SCIN: variants seen among roughly 807,000 people sequenced by gnomAD.
SCIN encodes scinderin, also known as adseverin.
Under a neutral mutation model 91.8 loss-of-function variants are expected in SCIN, and 91 were observed. The ratio of observed to expected loss-of-function variants is 0.99; its 90% CI spans 0.84 to 1.18. The LOEUF is 1.18. Ranked by LOEUF, SCIN falls within the 50% of genes most tolerant of loss-of-function variation. The pLI is 0.00. For missense variants in SCIN, 1,087 were observed against 863.9 expected (o/e 1.26, Z -3.24); for synonymous variants, 367 against 312.6 (o/e 1.17, Z -1.84).
chr7:12,584,404 C>A lies in SCIN; in HGVS notation c.516+3183C>A, dbSNP rs148520806. Among the ~76,000 whole-genome samples, 357 of 152,280 alleles carry A rather than the reference C, an allele frequency of 2.3e-3. 5 individuals are homozygous for A. The highest frequency in any genetic ancestry group is 8.2e-3 in the African/African-American group (341 of 41,556). ...CTAAGGTTATGGATATAACCTAAAT[C>A]CCATACCTTGATCATATATCAGAGA... On this transcript the variant is annotated intron_variant, in intron 3 of 15. Coordinates refer to ENST00000297029, the MANE Select transcript of SCIN (RefSeq NM_001112706.3).
intron 9 of SCIN, among the ~76,000 whole-genome samples, chr7:12,633,741 A>G (rs1406469601): frequency 1.3e-5 from 2 of 152,238 alleles, no homozygotes; most frequent in Non-Finnish European, 1.5e-5. Flanking sequence ...TCAGGAAACC[A>G]CAGATGTGAC....
Position 12,653,340 on chromosome 7 carries a change from A to G in SCIN, c.*625A>G, listed in dbSNP as rs918916752. 1.3e-5 allele frequency: 2 copies of G among 152,220 alleles called. No homozygotes were observed. The highest frequency in any genetic ancestry group is 2.4e-5 in the African/African-American group (1 of 41,454). 9.4% of individuals were successfully genotyped at this position (152,220 alleles called of 1,614,324 possible). A position where few individuals can be genotyped will look rare whatever the true frequency, so the allele number is the denominator to read the frequency against. ...AAAGATTTGTCAGATAGGAAATTTT[A>G]TAATGCATTAGCCATTAGTCAGAGT... On this transcript the variant is annotated 3_prime_UTR_variant, in exon 16 of 16. Coordinates refer to ENST00000297029, the MANE Select transcript of SCIN (RefSeq NM_001112706.3). This position sits in a 1 kb window ranked among gnomAD's most constrained non-coding sequence, Gnocchi z 4.1.
At chr7:12,611,549 G>A (rs910515969) in intron 4 of SCIN, among the ~76,000 whole-genome samples, 4 of 152,080 alleles carry the variant, frequency 2.6e-5, no homozygotes, top group African/African-American at 7.2e-5. Flanking sequence ...ACTACAGAGA[G>A]AGGAAAGAGC....
At chr7:12,647,244 A>T (rs1264301008) in intron 13 of SCIN, among the ~76,000 whole-genome samples, 1 of 152,202 alleles carries the variant, frequency 6.6e-6, no homozygotes, top group African/African-American at 2.4e-5. Flanking sequence ...AGAAATATAC[A>T]TTTCCTCTGC....
At chr7:12,597,657 A>G (rs1368209824) in intron 3 of SCIN, among the ~76,000 whole-genome samples, 1 of 152,224 alleles carries the variant, frequency 6.6e-6, no homozygotes, top group East Asian at 1.9e-4. Flanking sequence ...TTTCAAGACC[A>G]ATAATAGGAC....
chr7:12,619,148 C>G (rs967107603), intron 4 of SCIN, among the ~76,000 whole-genome samples: 8 of 152,078 alleles, frequency 5.3e-5, no homozygotes, highest in African/African-American at 1.4e-4. Context: ...TTGGCACCAG[C>G]TTGGCACATT....
chr7:12,638,146 G>A (rs891532396), intron 10 of SCIN, among the ~76,000 whole-genome samples: 1 of 152,170 alleles, frequency 6.6e-6, no homozygotes, highest in Middle Eastern at 3.2e-3. Flanking sequence ...TTCCCTTACT[G>A]TATAACTGAC....
At chr7:12,574,872 A>T (rs765340182) in intron 1 of SCIN, among the ~76,000 whole-genome samples, 5 of 152,166 alleles carry the variant, frequency 3.3e-5, no homozygotes, top group Non-Finnish European at 7.4e-5. Flanking sequence ...TATGTCTATA[A>T]TAAACCTTAC....
intron 10 of SCIN, among the ~76,000 whole-genome samples, chr7:12,638,551 C>G (rs1276432843): frequency 6.6e-6 from 1 of 152,162 alleles, no homozygotes; most frequent in Non-Finnish European, 1.5e-5. Flanking sequence ...AGCTAAGACT[C>G]TATATGGTAC....
intron 3 of SCIN, among the ~76,000 whole-genome samples, chr7:12,602,857 G>C (rs370118510): frequency 1.3e-5 from 2 of 152,222 alleles, no homozygotes; most frequent in South Asian, 2.1e-4. Context: ...AATTTGTACA[G>C]TTAACACAAT....
Position 12,654,146 on chromosome 7 carries a change from A to T in SCIN, c.*1431A>T, listed in dbSNP as rs186083235. The T allele has an allele frequency of 6.6e-6, 1 of 152,306 alleles. No homozygotes were observed. The highest frequency in any genetic ancestry group is 2.4e-5 in the African/African-American group (1 of 41,582). 9.4% of individuals were successfully genotyped at this position (152,306 alleles called of 1,614,324 possible). ...AGGATGAACAATGTAGGGTCCAACA[A>T]TTCATCCCACATGAATTTTTCTCAT... On this transcript the variant is annotated 3_prime_UTR_variant, in exon 16 of 16. Transcript: ENST00000297029.
At chr7:12,639,815 A>G (rs556933223) in intron 10 of SCIN, among the ~76,000 whole-genome samples, 3 of 152,186 alleles carry the variant, frequency 2.0e-5, no homozygotes, top group African/African-American at 7.2e-5. Flanking sequence ...GTGTGTGTGT[A>G]ATTTTTTTAT....
intron 11 of SCIN, among the ~76,000 whole-genome samples, chr7:12,643,318 G>T (rs1783892783): frequency 6.6e-6 from 1 of 152,148 alleles, no homozygotes; most frequent in African/African-American, 2.4e-5. Context: ...TCTCACACCA[G>T]TCTGGGCACA....
At chr7:12,576,358 GT>G (rs113504526) in intron 1 of SCIN, among the ~76,000 whole-genome samples, 14,440 of 115,704 alleles carry the variant, frequency 0.12, 1,016 homozygotes, top group African/African-American at 0.25. Flanking sequence ...CTACTGAGTT[GT>G]TTTTTTTTGT....
At position 12,659,280 on chromosome 7, in the gene SCIN, A is replaced by G. The variant is rs1784221540; in HGVS notation, c.*6565A>G. 6.6e-6 allele frequency: 1 copy of G among 152,166 alleles called. No individual in the cohort carries two copies. The highest frequency in any genetic ancestry group is 1.5e-5 in the Non-Finnish European group (1 of 68,056). The allele number at this position is 152,166 out of a possible 1,614,324, so 9.4% of individuals were successfully genotyped here. A position where few individuals can be genotyped will look rare whatever the true frequency, so the allele number is the denominator to read the frequency against. ...CCTATTTATGTTTTTTAAAAGCACC[A>G]TTTACCACCCATTTGTCTATGGACT... On this transcript the variant is annotated 3_prime_UTR_variant, in exon 16 of 16. Transcript: ENST00000297029.
At position 12,626,624 on chromosome 7, in the gene SCIN, A is replaced by C; in HGVS notation, c.1022A>C (p.Lys341Thr). The part of the protein sequence containing the change: ...LPEGGETPIF[K>T]QFFKDWRDKD... ...GAAGGAGGTGAAACACCAATCTTCA[A>C]ACAGTTTTTTAAGGACTGGAGAGAT... is the stretch of plus-strand genomic sequence containing the variant. Residue 341 changes from lysine to threonine, a missense_variant, in exon 8 of 16, where the codon AAA (lysine) becomes ACA (threonine). Transcript: ENST00000297029. The C allele has an allele frequency of 6.4e-7, 1 of 1,552,180 alleles. No homozygotes were observed. Among genetic ancestry groups the C allele is most frequent in the Non-Finnish European group, 8.7e-7 (1 of 1,147,228 alleles).
intron 9 of SCIN, among the ~76,000 whole-genome samples, chr7:12,629,644 T>G (rs1009158940): frequency 6.6e-6 from 1 of 152,204 alleles, no homozygotes; most frequent in Non-Finnish European, 1.5e-5. Context: ...AATTTGTGAT[T>G]CCACTGATAC....
intron 3 of SCIN, among the ~76,000 whole-genome samples, chr7:12,582,520 G>A (rs774874716): frequency 6.6e-6 from 1 of 152,092 alleles, no homozygotes; most frequent in Non-Finnish European, 1.5e-5. Flanking sequence ...CAGCTTGTGT[G>A]CAAAGTTGAG....
chr7:12,624,943 T>TA, intron 5 of SCIN, 67 bp from the exon 6 acceptor site: 2 of 1,481,886 alleles, frequency 1.3e-6, no homozygotes, highest in Non-Finnish European at 1.8e-6. Flanking sequence ...ACCATTACCA[T>TA]AATCTAATTA....
Sources: gnomAD v4.1 joint callset for allele counts (sites outside exome capture counted in the v4.1 genomes callset) on GRCh38, gnomAD v4.1.1 for gene constraint, Gnocchi (gnomAD v3.1) non-coding constraint, MANE v1.5 for transcripts, NCBI Gene and HGNC (gene_info 2026-07-23, HGNC 2026-07-21) for gene names.